The following IL19 variants were observed in gnomAD, a reference collection of about 807,000 sequenced individuals.
The protein encoded by IL19 is interleukin 19.
Under a neutral mutation model 19.5 loss-of-function variants are expected in IL19, and 15 were observed. The observed-to-expected ratio is 0.77, with a 90% confidence interval of 0.52 to 1.19. The LOEUF (loss-of-function observed/expected upper bound fraction) is 1.19. Ranked by LOEUF, IL19 falls within the 50% of genes most tolerant of loss-of-function variation. IL19 has a pLI of 0.00. For synonymous variants in IL19, 78 were observed against 78.3 expected (o/e 1.00, Z 0.02); for missense variants, 199 against 213.1 (o/e 0.93, Z 0.41).
chr1:206,827,486 C>G (rs1027581766), intron 2 of IL19, among the ~76,000 whole-genome samples: 3 of 152,012 alleles, frequency 2.0e-5, no homozygotes, highest in Non-Finnish European at 2.9e-5. Flanking sequence ...GTCAGGAGAT[C>G]GAGACCATCC....
intron 2 of IL19, among the ~76,000 whole-genome samples, chr1:206,820,124 C>T (rs1676258017): frequency 6.6e-6 from 1 of 152,192 alleles, no homozygotes; most frequent in South Asian, 2.1e-4. Context: ...TTAGGATCCT[C>T]ATCCTGTCAT....
At position 206,842,604 on chromosome 1, in the gene IL19, A is replaced by C. The variant is rs1257350431; in HGVS notation, c.516A>C (p.Glu172Asp). Residue 172 changes from glutamate (E) to aspartate (D), a missense_variant, in exon 7 of 7, where the codon GAA (glutamate) becomes GAC (aspartate). Coordinates refer to ENST00000659997, the MANE Select transcript of IL19 (RefSeq NM_153758.5). ...VFLAWINKNH[E>D]VMFSA ...TAGCCTGGATTAATAAGAATCATGAAGTAATGTTCTCAGCTTGATGACAAG... is the reference window on the plus strand; with the variant it reads ...TAGCCTGGATTAATAAGAATCATGACGTAATGTTCTCAGCTTGATGACAAG... 3.8e-5 allele frequency: 59 copies of C among 1,566,866 alleles called. No individual in the cohort carries two copies. The highest frequency in any genetic ancestry group is 1.7e-4 in the Middle Eastern group (1 of 6,018).
intron 3 of IL19, 63 bp downstream of exon 3, chr1:206,836,869 G>GA: frequency 6.2e-7 from 1 of 1,607,480 alleles, no homozygotes; most frequent in Non-Finnish European, 8.5e-7. Context: ...ATCTTAGCTT[G>GA]AAAATGAGTT....
intron 2 of IL19, among the ~76,000 whole-genome samples, chr1:206,820,701 T>A (rs1481952834): frequency 1.3e-5 from 2 of 152,250 alleles, no homozygotes; most frequent in African/African-American, 4.8e-5. Context: ...TCTACTTTAC[T>A]GTGGCATTGG....
chr1:206,814,963 C>T (rs1291417887), intron 2 of IL19, among the ~76,000 whole-genome samples: 4 of 152,186 alleles, frequency 2.6e-5, no homozygotes, highest in Non-Finnish European at 5.9e-5. Context: ...AAAACAACAA[C>T]AATCATTTAT....
At chr1:206,783,073 C>G (rs759598976) in intron 1 of IL19, among the ~76,000 whole-genome samples, 24 of 152,186 alleles carry the variant, frequency 1.6e-4, no homozygotes, top group Non-Finnish European at 2.9e-4. Context: ...TAGGTGAGCT[C>G]TAAGTGCTCT....
At chr1:206,778,597 C>T (rs1214002062) in intron 1 of IL19, among the ~76,000 whole-genome samples, 4 of 152,112 alleles carry the variant, frequency 2.6e-5, no homozygotes, top group African/African-American at 9.7e-5. Context: ...TAAAAAAGTC[C>T]TCCCCTTACT....
At chr1:206,783,984 T>C (rs1168096381) in intron 1 of IL19, among the ~76,000 whole-genome samples, 1 of 152,222 alleles carries the variant, frequency 6.6e-6, no homozygotes, top group African/African-American at 2.4e-5. Flanking sequence ...TGTTTTTCCT[T>C]GGGAATACTC....
In IL19 at chr1:206,776,242, G is replaced by A. The variant is rs562512374; in HGVS notation, c.-149+5164G>A. ...GGCACTCAGATGTCATCCAGGACCC[G>A]TTTTTTCTGCATTCTTGTTCTCCTA... On this transcript the variant is annotated intron_variant, in intron 1 of 6. Transcript: ENST00000659997. Among the ~76,000 whole-genome samples the A allele has an allele frequency of 5.3e-5, 8 of 152,224 alleles. No homozygotes were observed. In the East Asian group the frequency reaches 1.4e-3, roughly 26 times the overall value.
chr1:206,813,588 G>T (rs763582822), intron 2 of IL19, among the ~76,000 whole-genome samples: 16 of 152,098 alleles, frequency 1.1e-4, no homozygotes, highest in Non-Finnish European at 2.2e-4. Flanking sequence ...GTTCCTTGGG[G>T]CTTCTCTACT....
chr1:206,799,894 A>G (rs11119584), intron 2 of IL19, among the ~76,000 whole-genome samples: 55,051 of 152,058 alleles, frequency 0.36, 10,683 homozygotes, highest in East Asian at 0.68. Context: ...TCTCTTCTTG[A>G]CATGTATTGC....
intron 1 of IL19, among the ~76,000 whole-genome samples, chr1:206,773,179 G>C (rs1674905457): frequency 6.6e-6 from 1 of 152,124 alleles, no homozygotes; most frequent in South Asian, 2.1e-4. Context: ...TGGGGGAAGT[G>C]GGTAAGAGTA....
intron 2 of IL19, among the ~76,000 whole-genome samples, chr1:206,810,689 G>C (rs915812651): frequency 1.2e-4 from 18 of 152,146 alleles, no homozygotes; most frequent in African/African-American, 4.3e-4. Context: ...TAGAGACAAG[G>C]GGACTGCAAA....
At chr1:206,825,426 C>G (rs1039594104) in intron 2 of IL19, among the ~76,000 whole-genome samples, 7 of 152,204 alleles carry the variant, frequency 4.6e-5, no homozygotes, top group Non-Finnish European at 4.4e-5. Flanking sequence ...TCTTCAATAT[C>G]TATAAGATGT....
chr1:206,823,982 C>T (rs1017757972), intron 2 of IL19, among the ~76,000 whole-genome samples: 11 of 152,182 alleles, frequency 7.2e-5, no homozygotes, highest in Non-Finnish European at 1.6e-4. Flanking sequence ...GCAGGATCGC[C>T]GTGTCTTCAG....
chr1:206,772,097 T>G (rs1300764220), intron 1 of IL19, among the ~76,000 whole-genome samples: 1 of 152,232 alleles, frequency 6.6e-6, no homozygotes, highest in Non-Finnish European at 1.5e-5. Flanking sequence ...CTGGCTTAGC[T>G]TAACTCACCA....
At chr1:206,840,831 G>A (rs1184284769) in intron 5 of IL19, among the ~76,000 whole-genome samples, 173 bp from the exon 6 acceptor site, 1 of 152,210 alleles carries the variant, frequency 6.6e-6, no homozygotes, top group African/African-American at 2.4e-5. Context: ...GGCAGATGCA[G>A]GTGACTCTAC....
In IL19 at chr1:206,796,945, C is replaced by T. The variant is rs993812750; in HGVS notation, c.-148-1916C>T. On this transcript the variant is annotated intron_variant, in intron 1 of 6. Transcript: ENST00000659997. ...TCACCCTTTGTCCAGCCCAGGACTA[C>T]AGACTCAGGGATGTTCACAGCCCAG... is the stretch of plus-strand genomic sequence containing the variant. 3.1e-4 allele frequency among the ~76,000 whole-genome samples: 47 copies of T among 152,352 alleles called. 1 individual carries two copies. Among genetic ancestry groups the T allele is most frequent in the South Asian group, 2.9e-3 (14 of 4,826 alleles).
At chr1:206,834,771 G>A (rs1319968791) in intron 2 of IL19, among the ~76,000 whole-genome samples, 1 of 152,158 alleles carries the variant, frequency 6.6e-6, no homozygotes, top group African/African-American at 2.4e-5. Context: ...GTTCAGAAAT[G>A]GGTTCCTGTC....
Sources: allele counts gnomAD v4.1 joint callset (sites outside exome capture counted in the v4.1 genomes callset), GRCh38; gene constraint gnomAD v4.1.1; transcripts MANE v1.5; gene names NCBI Gene and HGNC (gene_info 2026-07-23, HGNC 2026-07-21).